Variants in CTNNBL1 observed in about 807,000 individuals in gnomAD.
CTNNBL1 encodes the protein beta-catenin-like protein 1.
In CTNNBL1, 31 loss-of-function variants were observed where a neutral mutation model predicts 72.7. The observed-to-expected ratio is 0.43, with a 90% CI of 0.32 to 0.58. The LOEUF (loss-of-function observed/expected upper bound fraction) is 0.58, where lower values mean the gene tolerates loss of function less well. Ranked by LOEUF, CTNNBL1 falls within the 20% of genes least tolerant of loss-of-function variation. The pLI is 0.08. For synonymous variants in CTNNBL1, 240 were observed against 267.3 expected, an observed-to-expected ratio of 0.90 and a Z score of 1.00; for missense variants, 534 against 725.1, an observed-to-expected ratio of 0.74 and a Z score of 3.03.
intron 6 of CTNNBL1, among the ~76,000 whole-genome samples, chr20:37,766,827 T>G (rs988008970): frequency 6.6e-6 from 1 of 152,234 alleles, no homozygotes. Flanking sequence ...GCTTGGATTT[T>G]GTTCGAGTGA....
chr20:37,778,414 A>T (rs1213957563), intron 9 of CTNNBL1, among the ~76,000 whole-genome samples: 1 of 152,134 alleles, frequency 6.6e-6, no homozygotes. Context: ...CAGCAGCCTG[A>T]GTGTCTTGGC....
chr20:37,733,381 A>G (rs1227058062), intron 2 of CTNNBL1, among the ~76,000 whole-genome samples: 2 of 152,304 alleles, frequency 1.3e-5, no homozygotes, highest in South Asian at 2.1e-4. Flanking sequence ...AAGAGGGGTC[A>G]AATTTCACCA....
chr20:37,743,100 G>A (rs1388162597), intron 3 of CTNNBL1, among the ~76,000 whole-genome samples: 3 of 151,632 alleles, frequency 2.0e-5, no homozygotes, highest in South Asian at 2.1e-4. Flanking sequence ...CACCACGTTC[G>A]CTGTCGATCA....
At chr20:37,818,630 A>C (rs1355486987) in intron 11 of CTNNBL1, among the ~76,000 whole-genome samples, 1 of 152,228 alleles carries the variant, frequency 6.6e-6, no homozygotes, top group Admixed American at 6.5e-5. Context: ...GGGTTGGATC[A>C]TAATCCCGAA....
chr20:37,768,525 G>A (rs1035378598), intron 7 of CTNNBL1, among the ~76,000 whole-genome samples: 5 of 152,140 alleles, frequency 3.3e-5, no homozygotes. Flanking sequence ...CATTCCCACT[G>A]GTAAGTTTGT....
At chr20:37,732,492 A>G (rs1455991389) in intron 1 of CTNNBL1, among the ~76,000 whole-genome samples, 1 of 152,230 alleles carries the variant, frequency 6.6e-6, no homozygotes, top group African/African-American at 2.4e-5. Flanking sequence ...TTCCGTATAC[A>G]TAGGAACTTT....
At chr20:37,773,788 CCACTAAGTTTTCATCAT>C (rs1369851133) in intron 7 of CTNNBL1, among the ~76,000 whole-genome samples, 1 of 152,108 alleles carries the variant, frequency 6.6e-6, no homozygotes, top group African/African-American at 2.4e-5. Context: ...ATCATCATCA[CCACTAAGTTTTCATCAT>C]CTGATATGAG....
At chr20:37,832,653 C>A (rs2072219704) in intron 11 of CTNNBL1, among the ~76,000 whole-genome samples, 1 of 152,162 alleles carries the variant, frequency 6.6e-6, no homozygotes, top group Non-Finnish European at 1.5e-5. Context: ...AGTTAGTGTT[C>A]TCCATGTACC....
intron 10 of CTNNBL1, among the ~76,000 whole-genome samples, chr20:37,798,483 A>G (rs2073797708): frequency 6.6e-6 from 1 of 152,148 alleles, no homozygotes; most frequent in South Asian, 2.1e-4. Flanking sequence ...AGTAGAATAA[A>G]TATTTCAAAT....
At position 37,777,333 on chromosome 20, in the gene CTNNBL1, A is replaced by C. The variant is rs1235983707; in HGVS notation, c.751-12A>C. 1.2e-6 allele frequency: 2 copies of C among 1,611,828 alleles called. No individual in the cohort carries two copies. The highest frequency in any genetic ancestry group is 2.2e-5 in the South Asian group (2 of 91,022). On this transcript the variant is annotated splice_polypyrimidine_tract_variant and intron_variant, in intron 7 of 15. Coordinates refer to ENST00000361383, the MANE Select transcript of CTNNBL1 (RefSeq NM_030877.5). Reference sequence around the variant, plus strand: ...CCTTAACATTTTTCTCATTTCTCCTATTTCCCCATAGGCAAAGATGCCTTT... The same window carrying C: ...CCTTAACATTTTTCTCATTTCTCCTCTTTCCCCATAGGCAAAGATGCCTTT...
intron 7 of CTNNBL1, among the ~76,000 whole-genome samples, chr20:37,775,679 CCT>C (rs2073567529): frequency 6.6e-6 from 1 of 152,072 alleles, no homozygotes; most frequent in South Asian, 2.1e-4. Context: ...CTAAGTTACC[CCT>C]GTTTGTTCTC....
At chr20:37,860,489 G>C (rs1047248169) in intron 15 of CTNNBL1, 145 bp downstream of exon 15, 1 of 685,424 alleles carries the variant, frequency 1.5e-6, no homozygotes. Context: ...TGTGTGTCCA[G>C]GTCGTCTTTG....
intron 11 of CTNNBL1, among the ~76,000 whole-genome samples, chr20:37,820,672 T>C (rs2072099225): frequency 6.6e-6 from 1 of 152,120 alleles, no homozygotes; most frequent in South Asian, 2.1e-4. Context: ...ACGCGCTCTC[T>C]CTGTCTCTCC....
intron 11 of CTNNBL1, among the ~76,000 whole-genome samples, chr20:37,806,060 CTTTCATCCAGCTTGTT>C (rs2071957344): frequency 6.6e-6 from 1 of 152,210 alleles, no homozygotes; most frequent in Non-Finnish European, 1.5e-5. Flanking sequence ...AGTGAAGGGT[CTTTCATCCAGCTTGTT>C]TGGATGCTAA....
At chr20:37,804,278 C>T (rs1375860530) in intron 11 of CTNNBL1, among the ~76,000 whole-genome samples, 1 of 152,142 alleles carries the variant, frequency 6.6e-6, no homozygotes, top group Non-Finnish European at 1.5e-5. Context: ...TGGAGGGGGT[C>T]CTGGAGGTCT....
intron 1 of CTNNBL1, among the ~76,000 whole-genome samples, chr20:37,728,700 A>G (rs2122590986): frequency 1.3e-5 from 2 of 152,342 alleles, no homozygotes; most frequent in Admixed American, 1.3e-4. Flanking sequence ...AAAACATATC[A>G]GGGCTTTTGC....
In CTNNBL1 at chr20:37,839,321, G is replaced by A. The variant is rs577639860; in HGVS notation, c.1214-781G>A. Among the ~76,000 whole-genome samples the A allele has an allele frequency of 2.0e-5, 3 of 152,288 alleles. No homozygotes were observed. The East Asian group carries it at 5.8e-4, about 29-fold the overall frequency. ...AAACTGTTTGTTGTTCACACTGTGA[G>A]CATTTTATTTCAAAATAAACTTTGT... On this transcript the variant is annotated intron_variant, in intron 11 of 15. Coordinates refer to ENST00000361383, the MANE Select transcript of CTNNBL1 (RefSeq NM_030877.5).
At chr20:37,736,669 T>A (rs2073174444) in intron 2 of CTNNBL1, among the ~76,000 whole-genome samples, 1 of 151,760 alleles carries the variant, frequency 6.6e-6, no homozygotes, top group Non-Finnish European at 1.5e-5. Context: ...ACCTCCCGAG[T>A]AGCTGGGACT....
intron 10 of CTNNBL1, among the ~76,000 whole-genome samples, chr20:37,782,952 TTACAATA>T (rs2073638607): frequency 1.3e-5 from 2 of 152,210 alleles, no homozygotes; most frequent in African/African-American, 2.4e-5. Context: ...AGTTTCTCAG[TTACAATA>T]GCCACATTTC....
Sources: gnomAD v4.1 joint callset for allele counts (sites outside exome capture counted in the v4.1 genomes callset) on GRCh38, gnomAD v4.1.1 for gene constraint, MANE v1.5 for transcripts, NCBI Gene and HGNC (gene_info 2026-07-23, HGNC 2026-07-21) for gene names.